The following ZDHHC11B variants were observed in gnomAD, a reference collection of about 807,000 sequenced individuals.
The protein encoded by ZDHHC11B is zDHHC palmitoyltransferase 11B (putative).
ZDHHC11B carries 17 observed loss-of-function variants against 42.3 expected under a neutral mutation model. That is an observed-to-expected ratio of 0.40 (90% confidence interval 0.27 to 0.60). The LOEUF is 0.60. ZDHHC11B is among the 20% of genes least tolerant of loss of function. The probability of loss-of-function intolerance (pLI) is 0.41; values close to 1 mark genes in which losing one functional copy is unlikely to be tolerated. For missense variants in ZDHHC11B, 262 were observed against 463.2 expected (o/e 0.57, Z 3.99); for synonymous variants, 123 against 193.5 (o/e 0.64, Z 3.02).
intron 10 of ZDHHC11B, among the ~76,000 whole-genome samples, chr5:737,398 T>C (rs1229872965): frequency 2.0e-5 from 3 of 149,512 alleles, no homozygotes; most frequent in African/African-American, 7.5e-5. Context: ...CTGGTACCTA[T>C]CTTATGGAAA....
At chr5:776,162 T>G (rs1736462365) in intron 1 of ZDHHC11B, among the ~76,000 whole-genome samples, 1 of 151,228 alleles carries the variant, frequency 6.6e-6, no homozygotes, top group African/African-American at 2.4e-5. Flanking sequence ...GAGACTGTTG[T>G]CATTAAACCC....
At chr5:773,024 G>A (rs10223315) in intron 1 of ZDHHC11B, among the ~76,000 whole-genome samples, 63,550 of 147,738 alleles carry the variant, frequency 0.43, 8,726 homozygotes, top group East Asian at 0.49. Context: ...GGAGGAGCAG[G>A]ACACGGGCCA....
intron 4 of ZDHHC11B, among the ~76,000 whole-genome samples, chr5:762,008 G>A (rs1291350174): frequency 1.6e-4 from 24 of 147,524 alleles, no homozygotes; most frequent in Non-Finnish European, 2.7e-4. Flanking sequence ...CAGCCAAGAG[G>A]GCCACTCAAC....
At chr5:745,435 G>C in intron 8 of ZDHHC11B, 137 bp from the exon 9 acceptor site, 1 of 773,056 alleles carries the variant, frequency 1.3e-6, no homozygotes, top group East Asian at 2.7e-5. Context: ...CCACCATGCA[G>C]GCCCTGTGAG....
intron 1 of ZDHHC11B, among the ~76,000 whole-genome samples, chr5:777,566 G>T (rs979314421): frequency 6.6e-6 from 1 of 151,928 alleles, no homozygotes; most frequent in Non-Finnish European, 1.5e-5. Context: ...AGGGCGTTCC[G>T]GCTACCCGCT....
At chr5:717,317 C>T (rs539685946) in intron 12 of ZDHHC11B, among the ~76,000 whole-genome samples, 1 of 151,510 alleles carries the variant, frequency 6.6e-6, no homozygotes, top group Admixed American at 6.6e-5. Flanking sequence ...GTGTTTTGTT[C>T]TCTGCCCTGA....
chr5:730,891 G>C (rs1742972719), intron 11 of ZDHHC11B, among the ~76,000 whole-genome samples: 1 of 151,870 alleles, frequency 6.6e-6, no homozygotes, highest in African/African-American at 2.4e-5. Context: ...CGTCTACAAG[G>C]CAAGGAGAGA....
chr5:781,125 AG>A (rs1736926403), intron 1 of ZDHHC11B, among the ~76,000 whole-genome samples: 1 of 141,452 alleles, frequency 7.1e-6, no homozygotes, highest in East Asian at 2.3e-4. Context: ...ATCCAGTGTG[AG>A]TGGGTGAACA....
At chr5:757,810 TGCTGCCCAG>T (rs1286313973) in intron 4 of ZDHHC11B, among the ~76,000 whole-genome samples, 1 of 151,754 alleles carries the variant, frequency 6.6e-6, no homozygotes, top group Non-Finnish European at 1.5e-5. Context: ...ACTGGGGAGC[TGCTGCCCAG>T]GCCGGGGTGT....
rs552001958 is a variant in ZDHHC11B, at chr5:717,482, C to T, written c.1059-617G>A. 1.1e-4 allele frequency among the ~76,000 whole-genome samples: 17 copies of T among 151,656 alleles called. No homozygotes were observed. In the East Asian group the frequency reaches 1.9e-3, roughly 17 times the overall value. On this transcript the variant is annotated intron_variant, in intron 12 of 13. Transcript: ENST00000508859. ...TGTGTCAGGAATTAGAGACCAGAAACGCGCAAAATTTTGCTTTGAAAGATT... is the reference window on the plus strand; with the variant it reads ...TGTGTCAGGAATTAGAGACCAGAAATGCGCAAAATTTTGCTTTGAAAGATT...
At chr5:776,496 T>C (rs1736498091) in intron 1 of ZDHHC11B, among the ~76,000 whole-genome samples, 1 of 151,930 alleles carries the variant, frequency 6.6e-6, no homozygotes, top group African/African-American at 2.4e-5. Flanking sequence ...GGGGAAAGTC[T>C]CCACTGCAAG....
chr5:735,987 T>A (rs1743470283), intron 10 of ZDHHC11B, among the ~76,000 whole-genome samples: 1 of 149,680 alleles, frequency 6.7e-6, no homozygotes, highest in Admixed American at 6.8e-5. Context: ...ACACTGAATG[T>A]AAATGGCCTA....
At position 767,023 on chromosome 5, in the gene ZDHHC11B, C is replaced by G. The variant is rs552870543; in HGVS notation, c.1-104G>C. On this transcript the variant is annotated intron_variant, in intron 3 of 13. Transcript: ENST00000508859. ...GGGACTGGGAACATGGCCCCCAGGA[C>G]CAGCACTGACAGCCAATGGCCCAGC... The G allele has an allele frequency of 2.2e-6, 3 of 1,359,816 alleles. 1 individual carries two copies. The highest frequency in any genetic ancestry group is 2.6e-5 in the South Asian group (2 of 76,828). 84.2% of individuals were successfully genotyped at this position (1,359,816 alleles called of 1,614,324 possible). A position where few individuals can be genotyped will look rare whatever the true frequency, so the allele number is the denominator to read the frequency against.
chr5:771,463 T>G (rs1368410458), intron 1 of ZDHHC11B, among the ~76,000 whole-genome samples: 1 of 30,588 alleles, frequency 3.3e-5, no homozygotes, highest in Non-Finnish European at 6.5e-5. Context: ...CAGGGTCTCA[T>G]GGGGGCAGGA....
At chr5:774,429 A>T (rs1281373523) in intron 1 of ZDHHC11B, among the ~76,000 whole-genome samples, 2 of 152,132 alleles carry the variant, frequency 1.3e-5, no homozygotes, top group Non-Finnish European at 2.9e-5. Context: ...CACTTGGGCC[A>T]GGGGGTTCTC....
intron 11 of ZDHHC11B, among the ~76,000 whole-genome samples, chr5:731,740 T>C (rs545406735): frequency 6.6e-6 from 1 of 152,012 alleles, no homozygotes; most frequent in African/African-American, 2.4e-5. Context: ...AAATAGTGTT[T>C]TTGGTATCTA....
At position 773,030 on chromosome 5, in the gene ZDHHC11B, G is replaced by A. The variant is rs1164823003; in HGVS notation, c.-229-4100C>T. Among the ~76,000 whole-genome samples, 3 of 151,974 alleles carry A rather than the reference G, an allele frequency of 2.0e-5. 1 individual carries two copies. In the East Asian group the frequency reaches 5.8e-4, roughly 29 times the overall value. ...GCTGGGTCTGGAGGAGCAGGACACG[G>A]GCCACACACACAGATCAGGAGCGGA... On this transcript the variant is annotated intron_variant, in intron 1 of 13. Coordinates refer to ENST00000508859, the MANE Select transcript of ZDHHC11B (RefSeq NM_001351303.2).
At chr5:733,512 G>T (rs1579280013) in intron 11 of ZDHHC11B, among the ~76,000 whole-genome samples, 1 of 151,760 alleles carries the variant, frequency 6.6e-6, no homozygotes, top group East Asian at 1.9e-4. Context: ...GTGCTCCAGT[G>T]CTGGGGGCTC....
intron 1 of ZDHHC11B, among the ~76,000 whole-genome samples, chr5:784,108 C>T (rs1348029750): frequency 6.6e-6 from 1 of 151,392 alleles, no homozygotes; most frequent in African/African-American, 2.4e-5. Context: ...CTGCGGGGGG[C>T]GGTCTGACAG....
Sources: gnomAD v4.1 joint callset for allele counts (sites outside exome capture counted in the v4.1 genomes callset) on GRCh38, gnomAD v4.1.1 for gene constraint, MANE v1.5 for transcripts, NCBI Gene and HGNC (gene_info 2026-07-23, HGNC 2026-07-21) for gene names.